Variants in RAD54L2 observed in about 807,000 individuals in gnomAD.
The protein encoded by RAD54L2 is RAD54 like 2.
RAD54L2 carries 27 observed loss-of-function variants against 138.4 expected under a neutral mutation model. The observed-to-expected ratio is 0.20, with a 90% CI of 0.14 to 0.27. The LOEUF (loss-of-function observed/expected upper bound fraction) is 0.27. Ranked by LOEUF, RAD54L2 falls within the 10% of genes least tolerant of loss-of-function variation. The probability of loss-of-function intolerance (pLI) is 1.00; values close to 1 mark genes in which losing one functional copy is unlikely to be tolerated. For missense variants in RAD54L2, 1,396 were observed against 1,890.2 expected, an observed-to-expected ratio of 0.74 and a Z score of 4.85; for synonymous variants, 644 against 723.2, an observed-to-expected ratio of 0.89 and a Z score of 1.76.
intron 2 of RAD54L2, among the ~76,000 whole-genome samples, chr3:51,587,598 A>G (rs1035311268): frequency 6.6e-6 from 1 of 152,040 alleles, no homozygotes; most frequent in Non-Finnish European, 1.5e-5. Flanking sequence ...GCTGTTTTTT[A>G]CTTTGAGAGG....
chr3:51,626,436 CTTTTTTTTTT>C (rs768354274), intron 3 of RAD54L2, among the ~76,000 whole-genome samples: 1 of 39,392 alleles, frequency 2.5e-5, no homozygotes, highest in African/African-American at 1.1e-4. Flanking sequence ...CCCCAACGAT[CTTTTTTTTTT>C]TTTTTTTTTT....
Position 51,639,414 on chromosome 3 carries a change from C to A in RAD54L2, c.1861-5C>A. On this transcript the variant is annotated splice_polypyrimidine_tract_variant and splice_region_variant and intron_variant, in intron 12 of 22. Coordinates refer to ENST00000684192, the MANE Select transcript of RAD54L2 (RefSeq NM_015106.4). ...GTGTCTCCTCTCCCTTTCCTTGAAC[C>A]TCAGATCTGGAATCACCCTGATGTG... 6.2e-7 allele frequency: 1 copy of A among 1,613,418 alleles called. No homozygotes were observed. The highest frequency in any genetic ancestry group is 8.5e-7 in the Non-Finnish European group (1 of 1,179,474).
At chr3:51,624,066 A>G (rs1700625274) in intron 3 of RAD54L2, among the ~76,000 whole-genome samples, 2 of 151,602 alleles carry the variant, frequency 1.3e-5, no homozygotes, top group Admixed American at 1.3e-4. Context: ...TAGAGTTATT[A>G]TAAGGGAGAA....
At chr3:51,627,448 C>T (rs940938797) in intron 3 of RAD54L2, 105 bp from the exon 4 acceptor site, 24 of 1,080,604 alleles carry the variant, frequency 2.2e-5, no homozygotes, top group Non-Finnish European at 1.4e-6. Flanking sequence ...CTTAGATTAC[C>T]AGCTAATAAG....
chr3:51,598,873 C>T (rs557502122), intron 3 of RAD54L2, among the ~76,000 whole-genome samples: 175 of 152,218 alleles, frequency 1.1e-3, no homozygotes, highest in Non-Finnish European at 2.1e-3. Context: ...ACCCCTTCCC[C>T]CATCCCTTAC....
chr3:51,577,984 G>A (rs539555363), intron 2 of RAD54L2, among the ~76,000 whole-genome samples: 35 of 152,128 alleles, frequency 2.3e-4, no homozygotes, highest in Non-Finnish European at 5.9e-5. Context: ...GCCTAAGGAT[G>A]TTCTGTTACA....
intron 2 of RAD54L2, among the ~76,000 whole-genome samples, chr3:51,573,954 G>A (rs925455522): frequency 1.1e-4 from 17 of 151,818 alleles, no homozygotes; most frequent in African/African-American, 1.9e-4. Context: ...CCATTAACTC[G>A]TCATTTACAT....
At chr3:51,621,142 G>A (rs1371297267) in intron 3 of RAD54L2, among the ~76,000 whole-genome samples, 1 of 152,170 alleles carries the variant, frequency 6.6e-6, no homozygotes, top group Non-Finnish European at 1.5e-5. Context: ...ATAATGTTAT[G>A]TAAAAACCAT....
intron 2 of RAD54L2, among the ~76,000 whole-genome samples, chr3:51,575,393 T>C (rs1256353503): frequency 2.0e-5 from 3 of 152,180 alleles, no homozygotes; most frequent in Admixed American, 6.5e-5. Flanking sequence ...AAGAAAGTCA[T>C]TGGTAGCTTC....
chr3:51,606,879 A>G (rs1013073855), intron 3 of RAD54L2, among the ~76,000 whole-genome samples: 10 of 151,838 alleles, frequency 6.6e-5, no homozygotes, highest in African/African-American at 2.4e-4. Flanking sequence ...ACAGGGTTTC[A>G]TCATGTTGTC....
chr3:51,629,960 T>A (rs1326735179), intron 5 of RAD54L2, among the ~76,000 whole-genome samples: 2 of 152,246 alleles, frequency 1.3e-5, no homozygotes. Context: ...GAAGATCATT[T>A]AAAAAGCTAA....
chr3:51,611,001 T>A (rs1317832071), intron 3 of RAD54L2, among the ~76,000 whole-genome samples: 2 of 152,252 alleles, frequency 1.3e-5, no homozygotes, highest in African/African-American at 4.8e-5. Context: ...ATGCTATTTT[T>A]ATTTCTTCCC....
rs141975025 is a variant in RAD54L2 at position 51,660,985 on chromosome 3, G to A, written c.3409+867G>A. On this transcript the variant is annotated intron_variant, in intron 22 of 22. Coordinates refer to ENST00000684192, the MANE Select transcript of RAD54L2 (RefSeq NM_015106.4). ...CCTCCTTTTTTTGAGACAGAGTCTCGTTCTGTCACCCAGGCTGGAGTGCAG... is the reference window on the plus strand; with the variant it reads ...CCTCCTTTTTTTGAGACAGAGTCTCATTCTGTCACCCAGGCTGGAGTGCAG... 6.4e-4 allele frequency among the ~76,000 whole-genome samples: 97 copies of A among 151,494 alleles called. No individual in the cohort carries two copies. The East Asian group carries it at 0.017, about 26-fold the overall frequency.
chr3:51,646,842 G>A (rs761557062), intron 19 of RAD54L2, among the ~76,000 whole-genome samples: 1 of 152,122 alleles, frequency 6.6e-6, no homozygotes, highest in Non-Finnish European at 1.5e-5. Context: ...GTTCAAGGAT[G>A]AAGGCTCTGT....
chr3:51,575,849 T>G (rs1299850047), intron 2 of RAD54L2, among the ~76,000 whole-genome samples: 1 of 152,226 alleles, frequency 6.6e-6, no homozygotes, highest in Non-Finnish European at 1.5e-5. Flanking sequence ...TTCTTTCTCC[T>G]GCCTGATTGC....
chr3:51,663,262 T>C lies in RAD54L2; in HGVS notation c.4246T>C (p.Tyr1416His), dbSNP rs765740219. Residue 1416 changes from tyrosine to histidine, a missense_variant, in exon 23 of 23, where the codon TAT (tyrosine) becomes CAT (histidine). Tyr to His is a moderately conservative substitution (Grantham distance 83). Coordinates refer to ENST00000684192, the MANE Select transcript of RAD54L2 (RefSeq NM_015106.4). ...PSNLSRGMSI[Y>H]PGYMSPHAGY... is the part of the protein sequence containing the mutation. ...CAACCTTTCGCGGGGCATGTCTATCTATCCAGGCTACATGTCCCCACATGC... is the reference window on the plus strand; with the variant it reads ...CAACCTTTCGCGGGGCATGTCTATCCATCCAGGCTACATGTCCCCACATGC... The C allele has an allele frequency of 1.5e-5, 24 of 1,613,848 alleles. No homozygotes were observed. Among genetic ancestry groups the C allele is most frequent in the African/African-American group, 2.7e-5 (2 of 74,906 alleles).
In RAD54L2 at chr3:51,662,606, G is replaced by A. The variant is rs1405133235; in HGVS notation, c.3590G>A (p.Ser1197Asn). ...AARESRQSSPSTNAALPGPPA... is the reference protein window; with the variant it reads ...AARESRQSSPNTNAALPGPPA... The stretch of plus-strand genomic sequence containing the variant: ...CGGGAATCCCGTCAGAGCTCCCCAA[G>A]CACCAATGCCGCCCTGCCTGGCCCC... Residue 1197 changes from serine (S) to asparagine (N), a missense_variant, in exon 23 of 23, where the codon AGC (serine) becomes AAC (asparagine). Ser to Asn is a conservative substitution (Grantham distance 46). Transcript: ENST00000684192. This position sits in a 1 kb window ranked among gnomAD's most constrained non-coding sequence, Gnocchi z 4.6. 6.2e-7 allele frequency: 1 copy of A among 1,613,048 alleles called. No homozygotes were observed. The highest frequency in any genetic ancestry group is 1.1e-5 in the South Asian group (1 of 90,864).
chr3:51,580,811 C>T (rs1158239548), intron 2 of RAD54L2, among the ~76,000 whole-genome samples: 3 of 152,144 alleles, frequency 2.0e-5, no homozygotes, highest in Non-Finnish European at 1.5e-5. Flanking sequence ...TTACTCCTGT[C>T]TTGAAGCTAA....
chr3:51,594,743 G>A (rs1699921666), intron 3 of RAD54L2, among the ~76,000 whole-genome samples: 1 of 149,902 alleles, frequency 6.7e-6, no homozygotes, highest in South Asian at 2.2e-4. Context: ...CGTCTTATTT[G>A]TTAATGCACT....
Sources: gnomAD v4.1 joint callset for allele counts (sites outside exome capture counted in the v4.1 genomes callset) on GRCh38, gnomAD v4.1.1 for gene constraint, Gnocchi (gnomAD v3.1) non-coding constraint, MANE v1.5 for transcripts, NCBI Gene and HGNC (gene_info 2026-07-23, HGNC 2026-07-21) for gene names.